RYR2: variants seen among roughly 807,000 people sequenced by gnomAD.
RYR2 encodes cardiac muscle ryanodine receptor-calcium release channel.
A neutral mutation model predicts 601.1 loss-of-function variants in RYR2; 227 were observed. The observed-to-expected ratio is 0.38, with a 90% CI of 0.34 to 0.42. The LOEUF is 0.42. Ranked by LOEUF, RYR2 falls within the 10% of genes least tolerant of loss-of-function variation. RYR2 has a pLI of 1.00. For missense variants in RYR2, 4,646 were observed against 6,156.5 expected, an observed-to-expected ratio of 0.75 and a Z score of 8.21; for synonymous variants, 2,223 against 2,175.1, an observed-to-expected ratio of 1.02 and a Z score of -0.61.
At chr1:237,072,501 T>C (rs576751539) in intron 1 of RYR2, among the ~76,000 whole-genome samples, 57 of 152,204 alleles carry the variant, frequency 3.7e-4, no homozygotes, top group Admixed American at 2.3e-3. Context: ...GATTTTTTCT[T>C]TAGTGCACCA....
intron 1 of RYR2, among the ~76,000 whole-genome samples, chr1:237,144,251 A>G (rs1256406383): frequency 6.6e-6 from 1 of 152,204 alleles, no homozygotes; most frequent in East Asian, 1.9e-4. Context: ...CATTATATAC[A>G]TGTTCTCAAG....
chr1:237,690,989 T>C (rs964157389), intron 63 of RYR2, among the ~76,000 whole-genome samples: 3 of 152,232 alleles, frequency 2.0e-5, no homozygotes. Flanking sequence ...CTTGTTTGTA[T>C]ATGGTCATAT....
chr1:237,493,118 G>C, intron 19 of RYR2, 31 bp downstream of exon 19: 1 of 1,612,244 alleles, frequency 6.2e-7, no homozygotes, highest in East Asian at 2.2e-5. Context: ...TCACCTGACA[G>C]GTACCATAAT....
chr1:237,783,975 A>G lies in RYR2; in HGVS notation c.12263A>G (p.His4088Arg). Residue 4088 changes from histidine (H) to arginine (R), a missense_variant, in exon 90 of 105, where the codon CAC becomes CGC. Around this residue, in one of 17 missense-constraint regions of RYR2, gnomAD observed 70 missense variants for 164.6 expected, o/e 0.43. Transcript: ENST00000366574. ...LDYEEFVKRF[H>R]EPAKDIGFNV... ...TACGAAGAGTTCGTCAAACGCTTCC[A>G]CGAACCTGCGAAGGACATCGGCTTC... 6.2e-7 allele frequency: 1 copy of G among 1,613,868 alleles called. No individual in the cohort carries two copies. The highest frequency in any genetic ancestry group is 1.3e-5 in the African/African-American group (1 of 75,064).
intron 1 of RYR2, among the ~76,000 whole-genome samples, chr1:237,230,883 C>G (rs977559084): frequency 7.5e-6 from 1 of 133,064 alleles, no homozygotes; most frequent in Admixed American, 9.0e-5. Flanking sequence ...GAGCTGAGAT[C>G]GTGCCACTGC....
chr1:237,052,370 T>C (rs1366557550), intron 1 of RYR2, among the ~76,000 whole-genome samples: 3 of 152,056 alleles, frequency 2.0e-5, no homozygotes, highest in Non-Finnish European at 4.4e-5. Context: ...AAATGGCCAA[T>C]GGTGAAGTAA....
intron 25 of RYR2, among the ~76,000 whole-genome samples, chr1:237,547,255 G>C (rs546277339): frequency 4.6e-5 from 7 of 151,386 alleles, no homozygotes; most frequent in African/African-American, 1.7e-4. Context: ...ATCCACCCAC[G>C]TTGGCCTCCC....
At chr1:237,722,043 G>T (rs1473081905) in intron 73 of RYR2, among the ~76,000 whole-genome samples, 2 of 152,104 alleles carry the variant, frequency 1.3e-5, no homozygotes, top group Non-Finnish European at 2.9e-5. Flanking sequence ...AACATCTATT[G>T]ATTTATATAA....
At chr1:237,642,448 C>G (rs1681658354) in intron 47 of RYR2, among the ~76,000 whole-genome samples, 1 of 152,064 alleles carries the variant, frequency 6.6e-6, no homozygotes. Context: ...AATACTTGCT[C>G]ACAATATTTG....
At chr1:237,246,359 G>A (rs925535363) in intron 1 of RYR2, among the ~76,000 whole-genome samples, 1 of 152,148 alleles carries the variant, frequency 6.6e-6, no homozygotes, top group African/African-American at 2.4e-5. Flanking sequence ...GCTTCCCAAA[G>A]TGCTGAGATT....
rs1457866950 is a variant in RYR2, at chr1:237,788,141, A to T, written c.13476+6A>T. 6.2e-7 allele frequency: 1 copy of T among 1,602,744 alleles called. No homozygotes were observed. The highest frequency in any genetic ancestry group is 8.5e-7 in the Non-Finnish European group (1 of 1,172,568). On this transcript the variant is annotated splice_donor_region_variant and intron_variant, in intron 92 of 104. Transcript: ENST00000366574. ...CATATCAACAGAAACTTCTAGTAAG[A>T]TGTTTTAGAATGAATATTGTTACTG...
intron 10 of RYR2, among the ~76,000 whole-genome samples, chr1:237,398,227 T>A (rs1703036862): frequency 6.6e-6 from 1 of 152,116 alleles, no homozygotes; most frequent in Non-Finnish European, 1.5e-5. Context: ...AACTGCTCAG[T>A]CAGTTGGGGG....
At chr1:237,720,093 T>C (rs1689597378) in intron 73 of RYR2, among the ~76,000 whole-genome samples, 1 of 152,228 alleles carries the variant, frequency 6.6e-6, no homozygotes, top group South Asian at 2.1e-4. Flanking sequence ...CCATTTACTA[T>C]TATTTGGAAA....
At chr1:237,592,405 G>A (rs1295420565) in intron 32 of RYR2, among the ~76,000 whole-genome samples, 1 of 152,114 alleles carries the variant, frequency 6.6e-6, no homozygotes, top group Non-Finnish European at 1.5e-5. Context: ...GTTAGAGGTG[G>A]ATGGATCATC....
At chr1:237,102,930 T>G (rs1668277935) in intron 1 of RYR2, among the ~76,000 whole-genome samples, 1 of 152,192 alleles carries the variant, frequency 6.6e-6, no homozygotes, top group South Asian at 2.1e-4. Flanking sequence ...TCAAAACCAT[T>G]TAAAACGATA....
intron 14 of RYR2, among the ~76,000 whole-genome samples, chr1:237,453,985 A>C (rs867824571): frequency 6.6e-6 from 1 of 152,200 alleles, no homozygotes; most frequent in African/African-American, 2.4e-5. Context: ...GCTAGGGTCC[A>C]TGAAAACTTA....
At chr1:237,387,794 A>G (rs1054956763) in intron 9 of RYR2, among the ~76,000 whole-genome samples, 4 of 152,236 alleles carry the variant, frequency 2.6e-5, no homozygotes, top group African/African-American at 9.6e-5. Context: ...TGTTCTGGTT[A>G]TTCCAACTTA....
Position 237,791,777 on chromosome 1 carries a change from A to C in RYR2, c.13563+262A>C, listed in dbSNP as rs1008368002. 2.7e-5 allele frequency: 15 copies of C among 554,548 alleles called. No individual in the cohort carries two copies. The East Asian group carries it at 4.1e-4, about 15-fold the overall frequency. 34.4% of individuals were successfully genotyped at this position (554,548 alleles called of 1,614,324 possible). On this transcript the variant is annotated intron_variant, in intron 93 of 104. Transcript: ENST00000366574. ...TATTCCCAGCCTAATTTAGCTGAAT[A>C]TCTTATTTGTGACTATGCCTGGGTG...
intron 1 of RYR2, among the ~76,000 whole-genome samples, chr1:237,085,840 G>A (rs1051089356): frequency 2.6e-5 from 4 of 152,200 alleles, no homozygotes; most frequent in East Asian, 1.9e-4. Context: ...TGCAACCTCC[G>A]CCTCCCAGGC....
Sources: allele counts gnomAD v4.1 joint callset (sites outside exome capture counted in the v4.1 genomes callset), GRCh38; gene constraint gnomAD v4.1.1; regional missense constraint gnomAD v4.1.1; transcripts MANE v1.5; gene names NCBI Gene and HGNC (gene_info 2026-07-23, HGNC 2026-07-21).